HS3ST3A1: variants seen among roughly 807,000 people sequenced by gnomAD.
HS3ST3A1 encodes the protein heparan sulfate-glucosamine 3-sulfotransferase 3A1.
In HS3ST3A1, 19 loss-of-function variants were observed where a neutral mutation model predicts 25.7. The ratio of observed to expected loss-of-function variants is 0.74; its 90% CI spans 0.52 to 1.08. The LOEUF (loss-of-function observed/expected upper bound fraction) is 1.08, where lower values mean the gene tolerates loss of function less well. HS3ST3A1 is among the 50% of genes least tolerant of loss of function. HS3ST3A1 has a pLI of 0.00. For synonymous variants in HS3ST3A1, 226 were observed against 278.6 expected, an observed-to-expected ratio of 0.81 and a Z score of 1.88; for missense variants, 459 against 594.3, an observed-to-expected ratio of 0.77 and a Z score of 2.37.
chr17:13,553,119 T>C (rs1319621054), intron 1 of HS3ST3A1, among the ~76,000 whole-genome samples: 3 of 152,204 alleles, frequency 2.0e-5, no homozygotes, highest in African/African-American at 7.2e-5. Context: ...AGAATTGCTT[T>C]GGCTAAAGGG....
intron 1 of HS3ST3A1, among the ~76,000 whole-genome samples, chr17:13,548,812 A>T (rs1907161744): frequency 6.6e-6 from 1 of 152,082 alleles, no homozygotes; most frequent in South Asian, 2.1e-4. Flanking sequence ...GCACTCTGTA[A>T]AAAATGCACC....
At chr17:13,539,712 T>A (rs1726235038) in intron 1 of HS3ST3A1, among the ~76,000 whole-genome samples, 2 of 140,702 alleles carry the variant, frequency 1.4e-5, no homozygotes, top group Non-Finnish European at 3.1e-5. Flanking sequence ...CCTTCCTCAA[T>A]TCGAAAGAGA....
chr17:13,505,145 A>G (rs1254927877), intron 1 of HS3ST3A1, among the ~76,000 whole-genome samples: 1 of 152,208 alleles, frequency 6.6e-6, no homozygotes, highest in African/African-American at 2.4e-5. Context: ...GGTCCTCCCA[A>G]TGCCTAGTGC....
At chr17:13,522,137 G>A (rs990219968) in intron 1 of HS3ST3A1, among the ~76,000 whole-genome samples, 10 of 152,014 alleles carry the variant, frequency 6.6e-5, no homozygotes, top group African/African-American at 2.4e-4. Context: ...ATATCAGACA[G>A]CATAGCATAA....
chr17:13,567,985 A>G (rs1907716432), intron 1 of HS3ST3A1, among the ~76,000 whole-genome samples: 1 of 152,224 alleles, frequency 6.6e-6, no homozygotes, highest in Non-Finnish European at 1.5e-5. Context: ...AATGCTATCA[A>G]ACAGCAGCAT....
intron 1 of HS3ST3A1, among the ~76,000 whole-genome samples, chr17:13,575,582 CCTT>C (rs1907929153): frequency 6.6e-6 from 1 of 152,156 alleles, no homozygotes; most frequent in African/African-American, 2.4e-5. Flanking sequence ...GATTTTAGCT[CCTT>C]CTGCCTGTAT....
chr17:13,538,746 G>A (rs1906841061), intron 1 of HS3ST3A1, among the ~76,000 whole-genome samples: 1 of 152,026 alleles, frequency 6.6e-6, no homozygotes, highest in Non-Finnish European at 1.5e-5. Flanking sequence ...TTTCAATCAA[G>A]ATTTGGGGTA....
At chr17:13,574,411 C>T (rs1907897003) in intron 1 of HS3ST3A1, among the ~76,000 whole-genome samples, 1 of 151,172 alleles carries the variant, frequency 6.6e-6, no homozygotes, top group Non-Finnish European at 1.5e-5. Context: ...GCCACTGCGC[C>T]CGGCCCTATC....
At chr17:13,497,260 A>G (rs564571591) in intron 1 of HS3ST3A1, among the ~76,000 whole-genome samples, 11 of 152,356 alleles carry the variant, frequency 7.2e-5, no homozygotes, top group Non-Finnish European at 1.5e-4. Flanking sequence ...TCTTATAAAC[A>G]AAGCAATCAT....
chr17:13,507,596 TCA>T (rs1270139117), intron 1 of HS3ST3A1, among the ~76,000 whole-genome samples: 1 of 152,202 alleles, frequency 6.6e-6, no homozygotes, highest in Non-Finnish European at 1.5e-5. Flanking sequence ...GTAATATATA[TCA>T]CACGTTTTTC....
intron 1 of HS3ST3A1, among the ~76,000 whole-genome samples, chr17:13,571,979 G>A (rs913944022): frequency 2.0e-5 from 3 of 152,008 alleles, no homozygotes; most frequent in Non-Finnish European, 2.9e-5. Flanking sequence ...AGTTGGTCTC[G>A]AACTCCTGAC....
rs745778771 is a variant in HS3ST3A1 at position 13,600,962 on chromosome 17, C to G, written c.168G>C (p.Leu56=). Residue 56 remains leucine (L), a synonymous_variant, in exon 1 of 2, where the codon CTG becomes CTC. Coordinates refer to ENST00000284110, the MANE Select transcript of HS3ST3A1 (RefSeq NM_006042.3). Reference sequence around the variant, plus strand: ...CCCCCGCCTCCTCGCCGCCGCCGGACAGCCCCACGACGGGGCCGGACAGGG... The same window carrying G: ...CCCCCGCCTCCTCGCCGCCGCCGGAGAGCCCCACGACGGGGCCGGACAGGG... ...CQTLSGPVVG[L]SGGGEEAGAP... is the part of the protein sequence containing the mutation. 6.5e-7 allele frequency: 1 copy of G among 1,545,714 alleles called. No individual in the cohort carries two copies. Among genetic ancestry groups the G allele is most frequent in the African/African-American group, 1.4e-5 (1 of 71,410 alleles).
intron 1 of HS3ST3A1, among the ~76,000 whole-genome samples, chr17:13,507,772 G>T (rs1302245658): frequency 6.6e-6 from 1 of 152,126 alleles, no homozygotes; most frequent in African/African-American, 2.4e-5. Context: ...GGAAGCCTCT[G>T]GCAGCAGAAC....
chr17:13,536,880 C>T (rs551712463), intron 1 of HS3ST3A1, among the ~76,000 whole-genome samples: 2 of 152,254 alleles, frequency 1.3e-5, no homozygotes, highest in Admixed American at 6.5e-5. Context: ...TTTCTTACTG[C>T]CCTGGGCCCT....
At chr17:13,585,993 C>A (rs1359742283) in intron 1 of HS3ST3A1, among the ~76,000 whole-genome samples, 1 of 151,578 alleles carries the variant, frequency 6.6e-6, no homozygotes, top group Non-Finnish European at 1.5e-5. Context: ...GGACTACGGG[C>A]GCGGACTACC....
Position 13,522,903 on chromosome 17 carries a change from C to CTT in HS3ST3A1, c.600-26087_600-26086dup, listed in dbSNP as rs1906295100. Among the ~76,000 whole-genome samples, 12 of 150,322 alleles carry CTT rather than the reference C, an allele frequency of 8.0e-5. No homozygotes were observed. The South Asian group carries it at 2.5e-3, about 32-fold the overall frequency. On this transcript the variant is annotated intron_variant, in intron 1 of 1. Transcript: ENST00000284110. ...ACACAAAGCAAGTACAAAAGATAAC[C>CTT]TTTTCAGTTTTGGCCATAAGTTTGT...
At chr17:13,556,307 G>C (rs1395035321) in intron 1 of HS3ST3A1, among the ~76,000 whole-genome samples, 1 of 150,860 alleles carries the variant, frequency 6.6e-6, no homozygotes, top group Non-Finnish European at 1.5e-5. Context: ...GGACAGGGCA[G>C]ACCACCCTGG....
chr17:13,541,551 A>G (rs926770223), intron 1 of HS3ST3A1, among the ~76,000 whole-genome samples: 2 of 152,186 alleles, frequency 1.3e-5, no homozygotes, highest in African/African-American at 4.8e-5. Flanking sequence ...CCCTAAGTCC[A>G]GTTTCTCTGA....
chr17:13,507,959 G>A lies in HS3ST3A1; in HGVS notation c.600-11141C>T, dbSNP rs529624327. Among the ~76,000 whole-genome samples the A allele has an allele frequency of 9.2e-5, 14 of 152,266 alleles. No homozygotes were observed. The East Asian group carries it at 1.9e-3, about 21-fold the overall frequency. ...TTTCTTTTCCTGCTGTTGTTATGTGGGACCCCTCTGAAAACGTGACTTATA... is the reference window on the plus strand; with the variant it reads ...TTTCTTTTCCTGCTGTTGTTATGTGAGACCCCTCTGAAAACGTGACTTATA... On this transcript the variant is annotated intron_variant, in intron 1 of 1. Coordinates refer to ENST00000284110, the MANE Select transcript of HS3ST3A1 (RefSeq NM_006042.3).
Sources: gnomAD v4.1 joint callset for allele counts (sites outside exome capture counted in the v4.1 genomes callset) on GRCh38, gnomAD v4.1.1 for gene constraint, MANE v1.5 for transcripts, NCBI Gene and HGNC (gene_info 2026-07-23, HGNC 2026-07-21) for gene names.